INTS4: variants seen among roughly 807,000 people sequenced by gnomAD.
INTS4 encodes the protein MSTP093.
A neutral mutation model predicts 119.5 loss-of-function variants in INTS4; 70 were observed. The observed-to-expected ratio is 0.59, with a 90% CI of 0.48 to 0.71. INTS4 has a LOEUF of 0.71. INTS4 is among the 30% of genes least tolerant of loss of function. The pLI, the probability that INTS4 is intolerant of heterozygous loss-of-function variation, is 0.00. For synonymous variants in INTS4, 316 were observed against 419.6 expected (o/e 0.75, Z 3.02); for missense variants, 867 against 1,173.2 (o/e 0.74, Z 3.81).
chr11:77,965,683 T>C (rs1163159795), intron 4 of INTS4, among the ~76,000 whole-genome samples: 4 of 152,248 alleles, frequency 2.6e-5, no homozygotes, highest in Non-Finnish European at 5.9e-5. Context: ...GGCTGAATAG[T>C]ATTCCATTGC....
At chr11:77,975,924 C>T (rs1855932248) in intron 4 of INTS4, among the ~76,000 whole-genome samples, 1 of 151,352 alleles carries the variant, frequency 6.6e-6, no homozygotes, top group East Asian at 1.9e-4. Context: ...TCACTGCACT[C>T]CAGCCTGGGT....
chr11:77,949,367 T>G (rs545420591), intron 8 of INTS4, among the ~76,000 whole-genome samples: 36 of 151,944 alleles, frequency 2.4e-4, no homozygotes, highest in African/African-American at 8.0e-4. Context: ...AATTGAGAAA[T>G]GGGATCTAAT....
rs185529626 is a variant in INTS4, at chr11:77,898,928, G to A, written c.2228+2493C>T. 2.0e-5 allele frequency among the ~76,000 whole-genome samples: 3 copies of A among 152,208 alleles called. No individual in the cohort carries two copies. The South Asian group carries it at 6.2e-4, about 31-fold the overall frequency. On this transcript the variant is annotated intron_variant, in intron 18 of 22. Transcript: ENST00000534064. Reference sequence around the variant, plus strand: ...CCAGCTACTTGGGAGGCTGAGGCATGAGAGTTGCTTGGACCCGGGAACCAG... The same window carrying A: ...CCAGCTACTTGGGAGGCTGAGGCATAAGAGTTGCTTGGACCCGGGAACCAG...
rs1421919759 is a variant in INTS4 at position 77,938,755 on chromosome 11, C to T, written c.1061G>A (p.Trp354Ter). The T allele has an allele frequency of 1.2e-6, 2 of 1,612,058 alleles. No individual in the cohort carries two copies. The highest frequency in any genetic ancestry group is 1.7e-6 in the Non-Finnish European group (2 of 1,179,864). Residue 354 changes from tryptophan to a stop codon, truncating the protein, a stop_gained, in exon 10 of 23, where the codon TGG (tryptophan) becomes TAG (stop). Coordinates refer to ENST00000534064, the MANE Select transcript of INTS4 (RefSeq NM_033547.4). LOFTEE classifies it high-confidence loss of function. ...SSGEFSSGRKWGDDAPKEEVD... is the reference protein window; with the variant it reads ...SSGEFSSGRK ...TTCTTCCTTGGGAGCATCATCTCCC[C>T]ACTTTCTGCCACTGGAAAACTCCCC...
chr11:77,876,627 C>T (rs142020384), downstream of INTS4, among the ~76,000 whole-genome samples: 446 of 152,222 alleles, frequency 2.9e-3, 2 homozygotes, highest in African/African-American at 0.01. Flanking sequence ...TAGTACAGCC[C>T]GTTCAATTCT....
intron 15 of INTS4, among the ~76,000 whole-genome samples, chr11:77,910,505 A>G (rs1808849006): frequency 6.6e-6 from 1 of 151,530 alleles, no homozygotes; most frequent in Non-Finnish European, 1.5e-5. Context: ...TGGTGAGTTA[A>G]TGGGTGCAGC....
chr11:77,907,751 G>A lies in INTS4; in HGVS notation c.1982C>T (p.Ala661Val). The A allele has an allele frequency of 6.2e-7, 1 of 1,613,822 alleles. No individual in the cohort carries two copies. Among genetic ancestry groups the A allele is most frequent in the Non-Finnish European group, 8.5e-7 (1 of 1,179,782 alleles). ...AAGTAGTTGACAGCGAAGATAGGTG[G>A]CAGAGAAATCAGCTACTCCTGCCAA... ...SELAGVADFSATYLRCQLLLI... is the reference protein window; with the variant it reads ...SELAGVADFSVTYLRCQLLLI... Residue 661 changes from alanine (A) to valine (V), a missense_variant, in exon 16 of 23, where the codon GCC becomes GTC. Coordinates refer to ENST00000534064, the MANE Select transcript of INTS4 (RefSeq NM_033547.4).
At chr11:77,917,985 A>G in intron 15 of INTS4, 4 of 693,074 alleles carry the variant, frequency 5.8e-6, no homozygotes, top group Non-Finnish European at 1.1e-5. Context: ...AGAGTGTACA[A>G]CTTTTGGGAA....
At chr11:77,990,763 G>A (rs1856649805) in intron 2 of INTS4, among the ~76,000 whole-genome samples, 1 of 151,920 alleles carries the variant, frequency 6.6e-6, no homozygotes, top group Non-Finnish European at 1.5e-5. Flanking sequence ...CATGAATTAG[G>A]AAAGGAACAG....
intron 21 of INTS4, among the ~76,000 whole-genome samples, chr11:77,888,602 C>T (rs9667103): frequency 0.021 from 3,136 of 152,190 alleles, 96 homozygotes; most frequent in African/African-American, 0.071. Context: ...AGAGCTTCTG[C>T]ACAGCAAAAG....
chr11:77,902,058 G>A (rs1401861858), intron 17 of INTS4, among the ~76,000 whole-genome samples: 2 of 152,144 alleles, frequency 1.3e-5, no homozygotes, highest in East Asian at 1.9e-4. Flanking sequence ...TCAAGTCCCC[G>A]ATCTTGCTCG....
chr11:77,911,250 C>A, intron 15 of INTS4: 1 of 831,606 alleles, frequency 1.2e-6, no homozygotes, highest in Non-Finnish European at 1.5e-6. Flanking sequence ...TGAACTGGTC[C>A]TGGAGGGCCT....
chr11:77,907,762 A>G lies in INTS4; in HGVS notation c.1971T>C (p.Ala657=). The change falls in exon 16 of 23, where the codon GCT becomes GCC. Residue 657 remains alanine, a synonymous_variant. Transcript: ENST00000534064. ...AGCGAAGATAGGTGGCAGAGAAATCAGCTACTCCTGCCAATTCAGATTGAA... is the reference window on the plus strand; with the variant it reads ...AGCGAAGATAGGTGGCAGAGAAATCGGCTACTCCTGCCAATTCAGATTGAA... ...GELQSELAGV[A]DFSATYLRCQ... 6.2e-7 allele frequency: 1 copy of G among 1,614,008 alleles called. No homozygotes were observed. The highest frequency in any genetic ancestry group is 8.5e-7 in the Non-Finnish European group (1 of 1,179,904).
intron 20 of INTS4, 48 bp from the exon 21 acceptor site, chr11:77,891,510 G>A (rs1952264800): frequency 6.2e-7 from 1 of 1,606,462 alleles, no homozygotes; most frequent in Non-Finnish European, 8.5e-7. Flanking sequence ...GGTCATTCCT[G>A]GATGAGAAAA....
At chr11:77,878,604 T>C (rs1197830660), downstream of INTS4, 1 of 575,770 alleles carries the variant, frequency 1.7e-6, no homozygotes, top group African/African-American at 1.9e-5. Flanking sequence ...TAACCAGTTA[T>C]CAGGAGGTAA....
chr11:77,936,945 C>T (rs373600140), intron 10 of INTS4, among the ~76,000 whole-genome samples: 1 of 151,980 alleles, frequency 6.6e-6, no homozygotes. Flanking sequence ...GAGGCTGAAG[C>T]GGGCAGATAA....
Position 77,904,336 on chromosome 11 carries a change from C to T in INTS4, c.2017-716G>A, listed in dbSNP as rs181005159. 4.2e-3 allele frequency among the ~76,000 whole-genome samples: 642 copies of T among 152,260 alleles called. 3 individuals carry two copies. The highest frequency in any genetic ancestry group is 0.015 in the African/African-American group (605 of 41,562). ...AGCTATATATAATTTTAAATATTCT[C>T]GTAGCCACGGTTTTTAAATTACAAA... On this transcript the variant is annotated intron_variant, in intron 16 of 22. Coordinates refer to ENST00000534064, the MANE Select transcript of INTS4 (RefSeq NM_033547.4).
intron 8 of INTS4, among the ~76,000 whole-genome samples, chr11:77,941,453 C>T (rs1020503618): frequency 5.9e-5 from 7 of 119,010 alleles, no homozygotes; most frequent in Non-Finnish European, 9.9e-5. Context: ...GTGTCACCTA[C>T]TGTGCTTTTT....
intron 11 of INTS4, among the ~76,000 whole-genome samples, chr11:77,926,213 T>G (rs1953495686): frequency 6.7e-6 from 1 of 150,344 alleles, no homozygotes; most frequent in Non-Finnish European, 1.5e-5. Flanking sequence ...AAATTCCAGC[T>G]GGAAGGGTCA....
Sources: allele counts gnomAD v4.1 joint callset (sites outside exome capture counted in the v4.1 genomes callset), GRCh38; gene constraint gnomAD v4.1.1; transcripts MANE v1.5; gene names NCBI Gene and HGNC (gene_info 2026-07-23, HGNC 2026-07-21).